The following NDUFAF4 variants were observed in gnomAD, a reference collection of about 807,000 sequenced individuals.
NDUFAF4 encodes NADH:ubiquinone oxidoreductase complex assembly factor 4.
A neutral mutation model predicts 15.6 loss-of-function variants in NDUFAF4; 10 were observed. The observed-to-expected ratio is 0.64, with a 90% CI of 0.40 to 1.09. The LOEUF (loss-of-function observed/expected upper bound fraction) is 1.09, where lower values mean the gene tolerates loss of function less well. Among genes scored for constraint, NDUFAF4 ranks in the 50% least tolerant of loss-of-function variants. The probability of loss-of-function intolerance (pLI) is 0.01; values close to 1 mark genes in which losing one functional copy is unlikely to be tolerated. For missense variants in NDUFAF4, 203 were observed against 207.3 expected, an observed-to-expected ratio of 0.98 and a Z score of 0.13; for synonymous variants, 77 against 73.3, an observed-to-expected ratio of 1.05 and a Z score of -0.26.
chr6:96,894,449 T>A (rs1349236164), intron 2 of NDUFAF4, among the ~76,000 whole-genome samples: 1 of 152,140 alleles, frequency 6.6e-6, no homozygotes, highest in African/African-American at 2.4e-5. Context: ...AGGTAAAAGT[T>A]ATTGACTTAA....
In NDUFAF4 at chr6:96,891,415, T is replaced by C. The variant is rs1775315129; in HGVS notation, c.241-24A>G. On this transcript the variant is annotated intron_variant, in intron 2 of 2. Transcript: ENST00000316149. ...ACCTAGTATCAAAAAAAAAAGGTTTTAGGATGAGAGAAAAGATTTGACATC... is the reference window on the plus strand; with the variant it reads ...ACCTAGTATCAAAAAAAAAAGGTTTCAGGATGAGAGAAAAGATTTGACATC... 2.5e-6 allele frequency: 4 copies of C among 1,600,206 alleles called. No homozygotes were observed. The East Asian group carries it at 8.9e-5, about 36-fold the overall frequency.
intron 2 of NDUFAF4, among the ~76,000 whole-genome samples, chr6:96,891,605 T>C (rs1462535186): frequency 6.6e-6 from 1 of 152,054 alleles, no homozygotes; most frequent in African/African-American, 2.4e-5. Flanking sequence ...TTTCCCTCTT[T>C]GGTGCTATTC....
intron 1 of NDUFAF4, 47 bp from the exon 2 acceptor site, chr6:96,896,894 C>T (rs746291027): frequency 3.1e-6 from 4 of 1,308,954 alleles, no homozygotes; most frequent in Non-Finnish European, 4.4e-6. Flanking sequence ...GGAAAATTTC[C>T]TGTAATATCC....
At position 96,891,353 on chromosome 6, in the gene NDUFAF4, G is replaced by A. The variant is rs750854539; in HGVS notation, c.279C>T (p.Phe93=). 6 of 1,612,732 alleles carry A rather than the reference G, an allele frequency of 3.7e-6. No individual in the cohort carries two copies. In the South Asian group the frequency reaches 6.6e-5, roughly 18 times the overall value. Residue 93 remains phenylalanine (F), a synonymous_variant, in exon 3 of 3, where the codon TTC becomes TTT. Coordinates refer to ENST00000316149, the MANE Select transcript of NDUFAF4 (RefSeq NM_014165.4). The part of the protein sequence containing the change: ...AAETCQEPKE[F]RLPKDHHFDM... ...CAAAATGATGGTCTTTCGGCAATCTGAATTCCTTCGGCTCTTGACATGTTT... is the reference window on the plus strand; with the variant it reads ...CAAAATGATGGTCTTTCGGCAATCTAAATTCCTTCGGCTCTTGACATGTTT...
Position 96,891,343 on chromosome 6 carries a change from T to C in NDUFAF4, c.289A>G (p.Lys97Glu), listed in dbSNP as rs1456138112. 2 of 1,613,516 alleles carry C rather than the reference T, an allele frequency of 1.2e-6. No homozygotes were observed. Among genetic ancestry groups the C allele is most frequent in the Non-Finnish European group, 1.7e-6 (2 of 1,179,836 alleles). The change falls in exon 3 of 3, where the codon AAA becomes GAA. Residue 97 changes from lysine (K) to glutamate (E), a missense_variant. Coordinates refer to ENST00000316149, the MANE Select transcript of NDUFAF4 (RefSeq NM_014165.4). The stretch of plus-strand genomic sequence containing the variant: ...TTTATCATATCAAAATGATGGTCTT[T>C]CGGCAATCTGAATTCCTTCGGCTCT... ...CQEPKEFRLP[K>E]DHHFDMINIK...
rs1775308643 is a variant in NDUFAF4, at chr6:96,891,080, CAT to C, written c.*22_*23del. On this transcript the variant is annotated 3_prime_UTR_variant, in exon 3 of 3. Transcript: ENST00000316149. ...TACAGCAGGAGGGATGAGGAGTACA[CAT>C]AGGAAATTTCTGTGATTTTCTTCAT... is the stretch of plus-strand genomic sequence containing the variant. 1.2e-6 allele frequency: 2 copies of C among 1,603,932 alleles called. No individual in the cohort carries two copies. Among genetic ancestry groups the C allele is most frequent in the Non-Finnish European group, 1.7e-6 (2 of 1,173,424 alleles).
At chr6:96,892,166 G>A (rs1053259644) in intron 2 of NDUFAF4, among the ~76,000 whole-genome samples, 1 of 151,772 alleles carries the variant, frequency 6.6e-6, no homozygotes, top group African/African-American at 2.4e-5. Flanking sequence ...TCCCAGCTTT[G>A]TATTTCATAC....
Position 96,891,122 on chromosome 6 carries a change from T to A in NDUFAF4, c.510A>T (p.Lys170Asn). The change falls in exon 3 of 3, where the codon AAA becomes AAT. Residue 170 changes from lysine to asparagine, a missense_variant. Coordinates refer to ENST00000316149, the MANE Select transcript of NDUFAF4 (RefSeq NM_014165.4). ...EVEIFPPEDK[K>N]AIRSK is the part of the protein sequence containing the mutation. Reference sequence around the variant, plus strand: ...ATTTTCTTCATTTTGATCGTATTGCTTTCTTGTCTTCAGGAGGGAAGATTT... The same window carrying A: ...ATTTTCTTCATTTTGATCGTATTGCATTCTTGTCTTCAGGAGGGAAGATTT... 1 of 1,612,934 alleles carries A rather than the reference T, an allele frequency of 6.2e-7. No homozygotes were observed. Among genetic ancestry groups the A allele is most frequent in the Non-Finnish European group, 8.5e-7 (1 of 1,179,508 alleles).
chr6:96,897,752 C>A lies in NDUFAF4; in HGVS notation c.50G>T (p.Arg17Leu). The A allele has an allele frequency of 6.2e-7, 1 of 1,614,156 alleles. No individual in the cohort carries two copies. Among genetic ancestry groups the A allele is most frequent in the Non-Finnish European group, 8.5e-7 (1 of 1,180,004 alleles). ...RGIRNFNLEN[R>L]AEREISKMKP... ...CATCTTGCTGATTTCCCGTTCCGCT[C>A]GGTTCTCTAGGTTGAAATTCCTGAT... is the stretch of plus-strand genomic sequence containing the variant. Residue 17 changes from arginine to leucine, a missense_variant, in exon 1 of 3, where the codon CGA becomes CTA. Coordinates refer to ENST00000316149, the MANE Select transcript of NDUFAF4 (RefSeq NM_014165.4).
In NDUFAF4 at chr6:96,890,076, G is replaced by A. The variant is rs1174775989; in HGVS notation, c.*1028C>T. On this transcript the variant is annotated 3_prime_UTR_variant, in exon 3 of 3. Coordinates refer to ENST00000316149, the MANE Select transcript of NDUFAF4 (RefSeq NM_014165.4). ...TAGTCTCCCAAAGATCCCCCAAGTA[G>A]TAATATATTAGGCAGAGCTAAACTC... 6.6e-6 allele frequency: 1 copy of A among 152,054 alleles called. No individual in the cohort carries two copies. The highest frequency in any genetic ancestry group is 6.6e-5 in the Admixed American group (1 of 15,256). 9.4% of individuals were successfully genotyped at this position (152,054 alleles called of 1,614,324 possible). A position where few individuals can be genotyped will look rare whatever the true frequency, so the allele number is the denominator to read the frequency against.
intron 1 of NDUFAF4, among the ~76,000 whole-genome samples, chr6:96,897,338 C>T (rs182370788): frequency 6.6e-6 from 1 of 152,226 alleles, no homozygotes; most frequent in Non-Finnish European, 1.5e-5. Flanking sequence ...CCAGTGAAGA[C>T]CCCTAGAGAA....
At position 96,896,823 on chromosome 6, in the gene NDUFAF4, A is replaced by G. The variant is rs1211549614; in HGVS notation, c.161T>C (p.Ile54Thr). The G allele has an allele frequency of 6.2e-7, 1 of 1,613,802 alleles. No individual in the cohort carries two copies. Among genetic ancestry groups the G allele is most frequent in the Admixed American group, 1.7e-5 (1 of 60,032 alleles). Reference protein sequence around the residue: ...ISLYPEVKGEIARKDEKLLSF... With the variant: ...ISLYPEVKGETARKDEKLLSF... ...CAGCAGCTTTTCATCTTTACGAGCAATCTCTCCTTTAACTTCTGGATAGAC... is the reference window on the plus strand; with the variant it reads ...CAGCAGCTTTTCATCTTTACGAGCAGTCTCTCCTTTAACTTCTGGATAGAC... Residue 54 changes from isoleucine to threonine, a missense_variant, in exon 2 of 3, where the codon ATT becomes ACT. Ile to Thr is a moderately conservative substitution (Grantham distance 89). Coordinates refer to ENST00000316149, the MANE Select transcript of NDUFAF4 (RefSeq NM_014165.4).
rs1310290068 is a variant in NDUFAF4 at position 96,890,113 on chromosome 6, C to G, written c.*991G>C. Reference sequence around the variant, plus strand: ...GCAGAGCTAAACTCACACACTCACTCAAGATCCTAGTACTGGTACATGCTA... The same window carrying G: ...GCAGAGCTAAACTCACACACTCACTGAAGATCCTAGTACTGGTACATGCTA... On this transcript the variant is annotated 3_prime_UTR_variant, in exon 3 of 3. Transcript: ENST00000316149. The G allele has an allele frequency of 2.0e-5, 3 of 152,088 alleles. No individual in the cohort carries two copies. The highest frequency in any genetic ancestry group is 2.9e-5 in the Non-Finnish European group (2 of 67,998). The allele number at this position is 152,088 out of a possible 1,614,324, so 9.4% of individuals were successfully genotyped here.
At chr6:96,892,805 C>T (rs1775331237) in intron 2 of NDUFAF4, among the ~76,000 whole-genome samples, 1 of 151,904 alleles carries the variant, frequency 6.6e-6, no homozygotes, top group Non-Finnish European at 1.5e-5. Flanking sequence ...TTAAGAGTGC[C>T]CAGGCCTTCT....
intron 1 of NDUFAF4, among the ~76,000 whole-genome samples, chr6:96,897,452 GA>G (rs1775398113): frequency 1.3e-5 from 2 of 152,212 alleles, no homozygotes; most frequent in Non-Finnish European, 2.9e-5. Flanking sequence ...CTGGGTCTCG[GA>G]AGTAGGCGGG....
intron 2 of NDUFAF4, among the ~76,000 whole-genome samples, chr6:96,895,272 T>C (rs1468076461): frequency 6.6e-6 from 1 of 152,164 alleles, no homozygotes; most frequent in African/African-American, 2.4e-5. Context: ...CCAGTATTCC[T>C]TTACCACAAA....
chr6:96,897,732 T>C lies in NDUFAF4; in HGVS notation c.70A>G (p.Lys24Glu), dbSNP rs863224092. 2 of 1,614,178 alleles carry C rather than the reference T, an allele frequency of 1.2e-6. No individual in the cohort carries two copies. Among genetic ancestry groups the C allele is most frequent in the East Asian group, 2.2e-5 (1 of 44,876 alleles). The change falls in exon 1 of 3, where the codon AAG (lysine) becomes GAG (glutamate). Residue 24 changes from lysine to glutamate, a missense_variant. Lys to Glu is a moderately conservative substitution (Grantham distance 56, BLOSUM62 1). Transcript: ENST00000316149. Reference sequence around the variant, plus strand: ...CTGGGAGCGACAGAGGGCTTCATCTTGCTGATTTCCCGTTCCGCTCGGTTC... The same window carrying C: ...CTGGGAGCGACAGAGGGCTTCATCTCGCTGATTTCCCGTTCCGCTCGGTTC... ...LENRAEREIS[K>E]MKPSVAPRHP...
chr6:96,895,213 A>C (rs571110149), intron 2 of NDUFAF4, among the ~76,000 whole-genome samples: 2 of 152,214 alleles, frequency 1.3e-5, no homozygotes, highest in African/African-American at 2.4e-5. Context: ...TGTAGTTATA[A>C]AACTACTGGA....
rs1485883833 is a variant in NDUFAF4 at position 96,896,772 on chromosome 6, T to G, written c.212A>C (p.Asp71Ala). Residue 71 changes from aspartate to alanine, a missense_variant, in exon 2 of 3, where the codon GAT (aspartate) becomes GCT (alanine). Transcript: ENST00000316149. ...LLSFLKDVYVDSKDPVSSLQV... is the reference protein window; with the variant it reads ...LLSFLKDVYVASKDPVSSLQV... The stretch of plus-strand genomic sequence containing the variant: ...CAAGGAAGACACAGGATCTTTGGAA[T>G]CAACATACACATCTTTTAGAAACGA... 3 of 1,613,040 alleles carry G rather than the reference T, an allele frequency of 1.9e-6. No individual in the cohort carries two copies. Among genetic ancestry groups the G allele is most frequent in the Non-Finnish European group, 2.5e-6 (3 of 1,179,710 alleles).
Sources: gnomAD v4.1 joint callset for allele counts (sites outside exome capture counted in the v4.1 genomes callset) on GRCh38, gnomAD v4.1.1 for gene constraint, MANE v1.5 for transcripts, NCBI Gene and HGNC (gene_info 2026-07-23, HGNC 2026-07-21) for gene names.